SRGAP3: variants seen among roughly 807,000 people sequenced by gnomAD.
The protein encoded by SRGAP3 is SLIT-ROBO Rho GTPase activating protein 3.
A neutral mutation model predicts 121.1 loss-of-function variants in SRGAP3; 39 were observed. That is an observed-to-expected ratio of 0.32 (90% confidence interval 0.25 to 0.42). The LOEUF (loss-of-function observed/expected upper bound fraction) is 0.42. SRGAP3 is among the 10% of genes least tolerant of loss of function. The pLI, the probability that SRGAP3 is intolerant of heterozygous loss-of-function variation, is 1.00. For synonymous variants in SRGAP3, 601 were observed against 570.0 expected, an observed-to-expected ratio of 1.05 and a Z score of -0.77; for missense variants, 1,213 against 1,470.6, an observed-to-expected ratio of 0.82 and a Z score of 2.86.
chr3:9,195,547 C>T (rs927872212), intron 1 of SRGAP3, among the ~76,000 whole-genome samples: 8 of 152,132 alleles, frequency 5.3e-5, no homozygotes, highest in Admixed American at 1.3e-4. Context: ...CCACTTCCTC[C>T]CTCAGCTCCT....
chr3:9,018,329 T>C (rs1180070689), intron 14 of SRGAP3, among the ~76,000 whole-genome samples: 1 of 152,206 alleles, frequency 6.6e-6, no homozygotes, highest in Non-Finnish European at 1.5e-5. Context: ...AGTGCAGGTA[T>C]CCTTTTGATA....
intron 3 of SRGAP3, among the ~76,000 whole-genome samples, chr3:9,315,096 G>A (rs1012680273): frequency 1.3e-4 from 20 of 152,180 alleles, no homozygotes; most frequent in Non-Finnish European, 1.6e-4. Flanking sequence ...CTCACACCAG[G>A]GTTCAAATGA....
chr3:9,291,454 C>A (rs1954867463), intron 3 of SRGAP3, among the ~76,000 whole-genome samples: 1 of 152,220 alleles, frequency 6.6e-6, no homozygotes, highest in South Asian at 2.1e-4. Flanking sequence ...CAACGGGTCA[C>A]AGGTTGTAGC....
chr3:9,205,304 TAAC>T (rs1952225563), intron 1 of SRGAP3, among the ~76,000 whole-genome samples: 1 of 152,228 alleles, frequency 6.6e-6, no homozygotes, highest in East Asian at 1.9e-4. Flanking sequence ...AAAAAATTAT[TAAC>T]AAGATATTTT....
chr3:9,237,679 A>G (rs1243017741), intron 1 of SRGAP3, among the ~76,000 whole-genome samples: 1 of 152,228 alleles, frequency 6.6e-6, no homozygotes, highest in Admixed American at 6.5e-5. Flanking sequence ...ACAAGCTTGG[A>G]GAAGTCCAGA....
chr3:9,022,443 G>A (rs1943974217), intron 14 of SRGAP3, among the ~76,000 whole-genome samples: 1 of 152,246 alleles, frequency 6.6e-6, no homozygotes, highest in Admixed American at 6.5e-5. Flanking sequence ...GAGTGGGCGA[G>A]AAGAGAAATA....
chr3:9,058,537 C>T (rs760935345), intron 6 of SRGAP3, 65 bp from the exon 7 acceptor site: 280 of 1,489,828 alleles, frequency 1.9e-4, no homozygotes, highest in Non-Finnish European at 2.4e-4. Context: ...CGGTCACTGG[C>T]CACCACAGTG....
At chr3:8,993,119 T>C in intron 19 of SRGAP3, 64 bp from the exon 20 acceptor site, 1 of 1,605,140 alleles carries the variant, frequency 6.2e-7, no homozygotes. Context: ...TATACAGAGC[T>C]CCCTGATATG....
At chr3:9,048,655 T>TA (rs1053342437) in intron 9 of SRGAP3, among the ~76,000 whole-genome samples, 7 of 152,000 alleles carry the variant, frequency 4.6e-5, no homozygotes, top group African/African-American at 1.7e-4. Context: ...ACCAAGTCTC[T>TA]AAAAAAATAA....
At chr3:9,286,113 A>AACACACACACACACAC (rs34023408) in intron 3 of SRGAP3, among the ~76,000 whole-genome samples, 3 of 134,988 alleles carry the variant, frequency 2.2e-5, no homozygotes, top group South Asian at 2.6e-4. Context: ...CCCTATCTCA[A>AACACACACACACACAC]ACACACACAC....
rs115707353 is a variant in SRGAP3 at position 9,335,533 on chromosome 3, C to T, written n.215-4937G>A. 7.2e-3 allele frequency among the ~76,000 whole-genome samples: 1,101 copies of T among 152,270 alleles called. 3 individuals carry two copies. The highest frequency in any genetic ancestry group is 0.012 in the Non-Finnish European group (822 of 68,024). ...TAGGTTTTCCTCAATCACAGGGAGCCATATCAGGCTCATTTGGGCTCTCTT... is the reference window on the plus strand; with the variant it reads ...TAGGTTTTCCTCAATCACAGGGAGCTATATCAGGCTCATTTGGGCTCTCTT... On this transcript the variant is annotated intron_variant and non_coding_transcript_variant, in intron 1 of 3. Transcript: ENST00000490889.
At chr3:9,194,276 G>C (rs1248799265) in intron 1 of SRGAP3, 1 of 152,042 alleles carries the variant, frequency 6.6e-6, no homozygotes, top group Non-Finnish European at 1.5e-5. Flanking sequence ...ATCCCAAATG[G>C]GCCATTTACT....
chr3:9,143,220 C>A (rs982905570), intron 1 of SRGAP3, among the ~76,000 whole-genome samples: 1 of 152,164 alleles, frequency 6.6e-6, no homozygotes, highest in East Asian at 1.9e-4. Context: ...ATAGGAATCA[C>A]CTCTGGGCCA....
chr3:9,165,014 GC>G (rs1950733391), intron 1 of SRGAP3, among the ~76,000 whole-genome samples: 1 of 152,270 alleles, frequency 6.6e-6, no homozygotes, highest in Non-Finnish European at 1.5e-5. Context: ...ACATTTTGGA[GC>G]CAGCACCTGC....
intron 17 of SRGAP3, among the ~76,000 whole-genome samples, chr3:9,010,606 A>C (rs1943317261): frequency 6.6e-6 from 1 of 151,970 alleles, no homozygotes; most frequent in Admixed American, 6.6e-5. Flanking sequence ...TATCTCCCCC[A>C]GTGCCCTCCT....
rs1941407005 is a variant in SRGAP3, at chr3:8,981,344, T to C, written c.*4175A>G. ...CTTTCCTCCTGGCCGCCACCCCGAC[T>C]CCCAGCCCAGCAGGGGCTAACCCCA... On this transcript the variant is annotated 3_prime_UTR_variant, in exon 22 of 22. Transcript: ENST00000383836. The C allele has an allele frequency of 4.3e-6, 1 of 232,998 alleles. No individual in the cohort carries two copies. The allele number at this position is 232,998 out of a possible 1,614,324, so 14.4% of individuals were successfully genotyped here.
chr3:9,345,785 C>CAAA (rs34225108), intron 1 of SRGAP3, among the ~76,000 whole-genome samples: 1,438 of 65,204 alleles, frequency 0.022, 45 homozygotes, highest in African/African-American at 0.061. Context: ...GACTCCAACT[C>CAAA]AAAAAAAAAA....
chr3:9,260,402 T>G (rs1954229824), intron 3 of SRGAP3, among the ~76,000 whole-genome samples: 1 of 152,110 alleles, frequency 6.6e-6, no homozygotes, highest in African/African-American at 2.4e-5. Context: ...TTCACTGTCT[T>G]GAAATTATCG....
chr3:9,075,004 T>G (rs896449371), intron 4 of SRGAP3, among the ~76,000 whole-genome samples: 58 of 152,238 alleles, frequency 3.8e-4, no homozygotes, highest in African/African-American at 1.4e-3. Context: ...GGGGGGACAC[T>G]GGACGTTCAC....
Sources: allele counts gnomAD v4.1 joint callset (sites outside exome capture counted in the v4.1 genomes callset), GRCh38; gene constraint gnomAD v4.1.1; transcripts MANE v1.5; gene names NCBI Gene and HGNC (gene_info 2026-07-23, HGNC 2026-07-21).